GPR89B: variants seen among roughly 807,000 people sequenced by gnomAD.
The protein encoded by GPR89B is G protein-coupled receptor 89B.
A neutral mutation model predicts 52.4 loss-of-function variants in GPR89B; 25 were observed. The ratio of observed to expected loss-of-function variants is 0.48; its 90% CI spans 0.35 to 0.67. The LOEUF is 0.67. Among genes scored for constraint, GPR89B ranks in the 30% least tolerant of loss-of-function variants. GPR89B has a pLI of 0.01. For synonymous variants in GPR89B, 52 were observed against 151.2 expected (o/e 0.34, Z 4.81); for missense variants, 146 against 450.2 (o/e 0.32, Z 6.11).
At position 147,940,850 on chromosome 1, in the gene GPR89B, G is replaced by C. The variant is rs587632733; in HGVS notation, c.206+2033G>C. The stretch of plus-strand genomic sequence containing the variant: ...GATGTCCCCCAACTTTTAACTTATA[G>C]TTAATAACCCGTATAGTAAGAAACA... On this transcript the variant is annotated intron_variant, in intron 3 of 13. Transcript: ENST00000314163. Among the ~76,000 whole-genome samples the C allele has an allele frequency of 2.0e-5, 3 of 149,580 alleles. No homozygotes were observed. In the South Asian group the frequency reaches 6.6e-4, roughly 33 times the overall value.
the GPR89B span, chr1:148,014,797 C>G: frequency 1.3e-5 from 2 of 152,146 alleles, no homozygotes; most frequent in Non-Finnish European, 2.9e-5. Flanking sequence ...CCGCCTCTGC[C>G]GAGTCTGTGC....
chr1:148,014,774 G>A, the GPR89B span: 1 of 152,272 alleles, frequency 6.6e-6, no homozygotes, highest in South Asian at 2.1e-4. Flanking sequence ...TCTCACCCCC[G>A]CGGTTCTGCC....
the GPR89B span, among the ~76,000 whole-genome samples, chr1:148,020,446 C>A: frequency 6.6e-6 from 1 of 151,104 alleles, no homozygotes; most frequent in Non-Finnish European, 1.5e-5. Context: ...TTAACTCTTT[C>A]CAAGGCTGCA....
At chr1:148,018,442 GA>G in the GPR89B span, among the ~76,000 whole-genome samples, 68 of 145,180 alleles carry the variant, frequency 4.7e-4, no homozygotes, top group Non-Finnish European at 7.5e-4. Context: ...AGAAAGAAAA[GA>G]AAAAAAAGGC....
At position 147,930,689 on chromosome 1, in the gene GPR89B, G is replaced by A. The variant is rs1212647029; in HGVS notation, c.42+2111G>A. Among the ~76,000 whole-genome samples, 10 of 152,262 alleles carry A rather than the reference G, an allele frequency of 6.6e-5. 2 individuals carry two copies. The highest frequency in any genetic ancestry group is 1.9e-4 in the African/African-American group (8 of 41,532). Reference sequence around the variant, plus strand: ...AATGAAATCTGAAATCAGAGGTCACGTATTGAATCTTGCTCACCACGGCAC... The same window carrying A: ...AATGAAATCTGAAATCAGAGGTCACATATTGAATCTTGCTCACCACGGCAC... On this transcript the variant is annotated intron_variant, in intron 1 of 13. Transcript: ENST00000314163.
chr1:148,006,769 C>T, the GPR89B span, among the ~76,000 whole-genome samples: 160 of 150,914 alleles, frequency 1.1e-3, 2 homozygotes, highest in South Asian at 0.017. Context: ...TAGGCTGGAA[C>T]GCAGGGCCGC....
chr1:147,976,020 A>G (rs1454062814), intron 10 of GPR89B, among the ~76,000 whole-genome samples: 1 of 152,154 alleles, frequency 6.6e-6, no homozygotes, highest in Non-Finnish European at 1.5e-5. Context: ...GGTCTGAGAG[A>G]CTGTTATAAT....
the GPR89B span, chr1:148,010,820 A>G: frequency 1.3e-5 from 2 of 152,276 alleles, no homozygotes; most frequent in Non-Finnish European, 2.9e-5. Context: ...CTAGTTGTAT[A>G]GAGCCTGTTT....
intron 12 of GPR89B, among the ~76,000 whole-genome samples, chr1:147,990,804 C>A (rs1659009974): frequency 6.6e-6 from 1 of 150,750 alleles, no homozygotes; most frequent in Non-Finnish European, 1.5e-5. Flanking sequence ...TTCCATTGGT[C>A]TGTATCTCTG....
At chr1:147,940,170 A>C (rs1436785710) in intron 3 of GPR89B, among the ~76,000 whole-genome samples, 1 of 151,936 alleles carries the variant, frequency 6.6e-6, no homozygotes, top group African/African-American at 2.4e-5. Flanking sequence ...TTGGGAGGCC[A>C]AGGCGGGCGG....
chr1:147,986,407 T>C (rs1381707054), intron 11 of GPR89B, 113 bp downstream of exon 11: 1 of 1,032,172 alleles, frequency 9.7e-7, no homozygotes, highest in African/African-American at 1.6e-5. Context: ...GCTTTTGTTC[T>C]TCCCACTCTG....
At chr1:148,011,231 C>CT in the GPR89B span, 1 of 152,192 alleles carries the variant, frequency 6.6e-6, no homozygotes, top group Admixed American at 6.5e-5. Context: ...ATTTAGGGGC[C>CT]TTGAGTCGTG....
At chr1:148,002,162 C>T in the GPR89B span, among the ~76,000 whole-genome samples, 2 of 151,930 alleles carry the variant, frequency 1.3e-5, no homozygotes, top group Admixed American at 1.3e-4. Flanking sequence ...CAGCTCTGCC[C>T]ATTCTCCATC....
intron 10 of GPR89B, among the ~76,000 whole-genome samples, chr1:147,972,448 T>G (rs1454274846): frequency 6.6e-6 from 1 of 150,884 alleles, no homozygotes; most frequent in Non-Finnish European, 1.5e-5. Flanking sequence ...ACCTGCACTG[T>G]GTATGAGTTT....
chr1:147,994,570 T>A (rs1659269214), downstream of GPR89B, among the ~76,000 whole-genome samples: 1 of 152,182 alleles, frequency 6.6e-6, no homozygotes, highest in African/African-American at 2.4e-5. Flanking sequence ...CTGAATCAGA[T>A]GATCTAGGTA....
In GPR89B at chr1:147,943,836, C is replaced by G. The variant is rs587767038; in HGVS notation, c.314-161C>G. The G allele has an allele frequency of 7.8e-4, 662 of 850,676 alleles. 1 individual carries two copies. In the African/African-American group the frequency reaches 0.01, roughly 13 times the overall value. The allele number at this position is 850,676 out of a possible 1,614,324, so 52.7% of individuals were successfully genotyped here. A position where few individuals can be genotyped will look rare whatever the true frequency, so the allele number is the denominator to read the frequency against. ...CTTAAATTCAGCTAAATTTCTCTTACGATGGTAAGGATGCTTTCACTAAAA... is the reference window on the plus strand; with the variant it reads ...CTTAAATTCAGCTAAATTTCTCTTAGGATGGTAAGGATGCTTTCACTAAAA... On this transcript the variant is annotated intron_variant, in intron 4 of 13. Coordinates refer to ENST00000314163, the MANE Select transcript of GPR89B (RefSeq NM_016334.5).
intron 10 of GPR89B, among the ~76,000 whole-genome samples, chr1:147,983,626 C>G (rs1430335672): frequency 3.9e-5 from 6 of 151,938 alleles, no homozygotes; most frequent in Admixed American, 1.3e-4. Flanking sequence ...ACCACAATGA[C>G]ATACCATCTC....
chr1:148,016,598 G>T, the GPR89B span, among the ~76,000 whole-genome samples: 233 of 150,950 alleles, frequency 1.5e-3, 4 homozygotes, highest in African/African-American at 5.3e-3. Flanking sequence ...TTATGGTTGG[G>T]AACTTTTCAG....
chr1:147,948,965 A>G (rs1490936320), intron 5 of GPR89B, among the ~76,000 whole-genome samples: 13 of 151,956 alleles, frequency 8.6e-5, no homozygotes, highest in Middle Eastern at 3.2e-3. Context: ...GATGACTCTT[A>G]ACGAGCATGC....
Sources: gnomAD v4.1 joint callset for allele counts (sites outside exome capture counted in the v4.1 genomes callset) on GRCh38, gnomAD v4.1.1 for gene constraint, MANE v1.5 for transcripts, NCBI Gene and HGNC (gene_info 2026-07-23, HGNC 2026-07-21) for gene names.